Variants in LMO2 observed in about 807,000 individuals in gnomAD.
LMO2 encodes the protein LIM domain only 2, also known as rhombotin-2.
Under a neutral mutation model 23.2 loss-of-function variants are expected in LMO2, and 20 were observed. The ratio of observed to expected loss-of-function variants is 0.86; its 90% CI spans 0.61 to 1.25. LMO2 has a LOEUF of 1.25. Among genes scored for constraint, LMO2 ranks in the 50% most tolerant of loss-of-function variants. The pLI, the probability that LMO2 is intolerant of heterozygous loss-of-function variation, is 0.00. For missense variants in LMO2, 270 were observed against 315.3 expected (o/e 0.86, Z 1.09); for synonymous variants, 123 against 130.2 (o/e 0.94, Z 0.38).
At chr11:33,888,217 A>C (rs568888065) in intron 1 of LMO2, among the ~76,000 whole-genome samples, 1 of 152,302 alleles carries the variant, frequency 6.6e-6, no homozygotes, top group African/African-American at 2.4e-5. Flanking sequence ...GATCTCGCTC[A>C]TCCCTCACAC....
intron 5 of LMO2, among the ~76,000 whole-genome samples, chr11:33,861,530 TG>T (rs773765187): frequency 2.0e-5 from 3 of 152,196 alleles, no homozygotes; most frequent in Non-Finnish European, 2.9e-5. Flanking sequence ...AACTCATTAC[TG>T]GGGGGAGAAC....
chr11:33,882,212 G>C (rs1481317448), intron 1 of LMO2, among the ~76,000 whole-genome samples: 1 of 152,022 alleles, frequency 6.6e-6, no homozygotes, highest in Non-Finnish European at 1.5e-5. Context: ...TGAAGGAGTT[G>C]TCCCTTTTCC....
chr11:33,862,417 G>C (rs1287136637), intron 5 of LMO2, among the ~76,000 whole-genome samples: 1 of 152,184 alleles, frequency 6.6e-6, no homozygotes, highest in Non-Finnish European at 1.5e-5. Context: ...AAGAATTAGT[G>C]AAAAGGGATC....
At chr11:33,862,102 T>G (rs1050805529) in intron 5 of LMO2, among the ~76,000 whole-genome samples, 17 of 152,128 alleles carry the variant, frequency 1.1e-4, no homozygotes, top group African/African-American at 4.1e-4. Context: ...TGCCAGTGAT[T>G]TATGAATGAG....
chr11:33,870,639 CCT>C, intron 2 of LMO2: 6 of 922,550 alleles, frequency 6.5e-6, no homozygotes, highest in Non-Finnish European at 7.8e-6. Flanking sequence ...GGCCGGGGCT[CCT>C]CTCAGTCGGC....
Position 33,880,608 on chromosome 11 carries a change from T to C in LMO2, c.-272+1216A>G, listed in dbSNP as rs1157076025. Reference sequence around the variant, plus strand: ...TATAGTGGTGATGGTCACCCAACAATATTTATGTGCTTAATGCCACTGAAC... The same window carrying C: ...TATAGTGGTGATGGTCACCCAACAACATTTATGTGCTTAATGCCACTGAAC... On this transcript the variant is annotated intron_variant, in intron 2 of 5. Coordinates refer to ENST00000257818, the MANE Select transcript of LMO2 (RefSeq NM_005574.4). This position sits in a 1 kb window ranked among gnomAD's most constrained non-coding sequence, Gnocchi z 4.3. 6.5e-6 allele frequency: 1 copy of C among 153,024 alleles called. No homozygotes were observed. The highest frequency in any genetic ancestry group is 1.5e-5 in the Non-Finnish European group (1 of 68,728). The allele number at this position is 153,024 out of a possible 1,614,324, so 9.5% of individuals were successfully genotyped here.
intron 5 of LMO2, among the ~76,000 whole-genome samples, chr11:33,860,600 C>CA (rs1160889563): frequency 6.6e-6 from 1 of 152,004 alleles, no homozygotes; most frequent in African/African-American, 2.4e-5. Flanking sequence ...TGTGTCTTTA[C>CA]AAAAAATACA....
chr11:33,888,464 T>A (rs571286774), intron 1 of LMO2, among the ~76,000 whole-genome samples: 2 of 152,232 alleles, frequency 1.3e-5, no homozygotes, highest in South Asian at 4.1e-4. Context: ...TCTCTTACAC[T>A]CCCTTCCTCC....
At chr11:33,869,634 C>T (rs755504726) in intron 3 of LMO2, 48 bp from the exon 4 acceptor site, 84 of 1,257,368 alleles carry the variant, frequency 6.7e-5, no homozygotes, top group Non-Finnish European at 8.4e-5. Flanking sequence ...GCGGGCGCGC[C>T]GCGGCCGAGG....
At chr11:33,861,006 G>A (rs1386550433) in intron 5 of LMO2, among the ~76,000 whole-genome samples, 7 of 152,180 alleles carry the variant, frequency 4.6e-5, no homozygotes, top group African/African-American at 7.2e-5. Context: ...GAGTGACCCT[G>A]GAGAGACCTC....
chr11:33,874,703 C>T (rs905152054), intron 2 of LMO2, among the ~76,000 whole-genome samples: 1 of 152,206 alleles, frequency 6.6e-6, no homozygotes, highest in African/African-American at 2.4e-5. Flanking sequence ...TCACCTAAGA[C>T]CTCGGCAAGC....
At chr11:33,866,462 C>A (rs1856786429) in intron 4 of LMO2, among the ~76,000 whole-genome samples, 1 of 152,096 alleles carries the variant, frequency 6.6e-6, no homozygotes, top group Non-Finnish European at 1.5e-5. Context: ...TGGCAAAATC[C>A]TGTTTCTACA....
chr11:33,873,877 A>G (rs531876166), intron 2 of LMO2, among the ~76,000 whole-genome samples: 3 of 152,336 alleles, frequency 2.0e-5, no homozygotes, highest in African/African-American at 7.2e-5. Context: ...AGCAGTTTCA[A>G]GTGACTAAGG....
chr11:33,870,215 G>T, intron 2 of LMO2: 1 of 453,780 alleles, frequency 2.2e-6, no homozygotes, highest in Non-Finnish European at 2.9e-6. Context: ...AAGGAGGCTG[G>T]GCAACCACTA....
At chr11:33,891,347 ACACACACACAC>A (rs1243374525) in intron 1 of LMO2, among the ~76,000 whole-genome samples, 3 of 12,896 alleles carry the variant, frequency 2.3e-4, no homozygotes, top group Non-Finnish European at 7.2e-4. Flanking sequence ...TGTTAGGCAA[ACACACACACAC>A]ACACACACAC....
intron 2 of LMO2, among the ~76,000 whole-genome samples, chr11:33,879,459 TAAAAAAAAAAA>T (rs750003431): frequency 8.0e-6 from 1 of 125,478 alleles, no homozygotes; most frequent in Admixed American, 8.2e-5. Context: ...TGTCTCTACT[TAAAAAAAAAAA>T]AAAAAAAAAT....
At chr11:33,874,256 C>G (rs909718388) in intron 2 of LMO2, among the ~76,000 whole-genome samples, 2 of 152,114 alleles carry the variant, frequency 1.3e-5, no homozygotes, top group African/African-American at 4.8e-5. Flanking sequence ...TAAACAGATT[C>G]GGTTTTCTAT....
intron 4 of LMO2, among the ~76,000 whole-genome samples, chr11:33,867,323 TACTGGAC>T (rs1453323248): frequency 6.6e-6 from 1 of 152,318 alleles, no homozygotes; most frequent in East Asian, 1.9e-4. Context: ...TCTAGTAGGA[TACTGGAC>T]AACAGGAGGA....
intron 2 of LMO2, among the ~76,000 whole-genome samples, chr11:33,876,017 T>A (rs952383183): frequency 6.6e-6 from 1 of 152,212 alleles, no homozygotes; most frequent in African/African-American, 2.4e-5. Context: ...CTGGCCTTCT[T>A]TCTGGTTCTT....
Sources: allele counts gnomAD v4.1 joint callset (sites outside exome capture counted in the v4.1 genomes callset), GRCh38; gene constraint gnomAD v4.1.1; non-coding constraint Gnocchi (gnomAD v3.1); transcripts MANE v1.5; gene names NCBI Gene and HGNC (gene_info 2026-07-23, HGNC 2026-07-21).